The following ADD1 variants were observed in gnomAD, a reference collection of about 807,000 sequenced individuals.
ADD1 encodes the protein adducin 1, also known as alpha-adducin.
ADD1 carries 24 observed loss-of-function variants against 80.5 expected under a neutral mutation model. The ratio of observed to expected loss-of-function variants is 0.30; its 90% CI spans 0.22 to 0.42. ADD1 has a LOEUF of 0.42. Ranked by LOEUF, ADD1 falls within the 10% of genes least tolerant of loss-of-function variation. The probability of loss-of-function intolerance (pLI) is 1.00; values close to 1 mark genes in which losing one functional copy is unlikely to be tolerated. For missense variants in ADD1, 948 were observed against 1,019.0 expected (o/e 0.93, Z 0.95); for synonymous variants, 373 against 393.8 (o/e 0.95, Z 0.63).
chr4:2,898,802 G>C (rs1040424966), intron 8 of ADD1: 3 of 460,942 alleles, frequency 6.5e-6, no homozygotes, highest in Non-Finnish European at 7.9e-6. Context: ...TATAGGCCTG[G>C]CATCAGGTGC....
intron 3 of ADD1, among the ~76,000 whole-genome samples, chr4:2,883,596 CGATCACAGCTCACTACAACCTT>C (rs1377903851): frequency 6.6e-6 from 1 of 151,962 alleles, no homozygotes; most frequent in African/African-American, 2.4e-5. Context: ...TACAGTGGCA[CGATCACAGCTCACTACAACCTT>C]GAACTCCTAG....
intron 14 of ADD1, among the ~76,000 whole-genome samples, chr4:2,923,519 G>A (rs577170485): frequency 2.6e-5 from 4 of 152,356 alleles, no homozygotes; most frequent in Non-Finnish European, 5.9e-5. Flanking sequence ...AGTTGGAAAT[G>A]CAGAAATCAT....
In ADD1 at chr4:2,929,174, GTTTC is replaced by G. The variant is rs1378958237; in HGVS notation, c.*655_*658del. 2.6e-5 allele frequency: 4 copies of G among 152,350 alleles called. No individual in the cohort carries two copies. The highest frequency in any genetic ancestry group is 1.9e-4 in the East Asian group (1 of 5,174). 9.4% of individuals were successfully genotyped at this position (152,350 alleles called of 1,614,324 possible). On this transcript the variant is annotated 3_prime_UTR_variant, in exon 16 of 16. Coordinates refer to ENST00000683351, the MANE Select transcript of ADD1 (RefSeq NM_001354761.2). Reference sequence around the variant, plus strand: ...GACCAGAATCAGATTCAGGAGCTCAGTTTCTTTTTCACTTGGGTCTCTGGATTCC... The same window carrying G: ...GACCAGAATCAGATTCAGGAGCTCAGTTTTTCACTTGGGTCTCTGGATTCC...
chr4:2,914,931 G>GC lies in ADD1; in HGVS notation c.1843dup (p.His615ProfsTer19). 6.2e-7 allele frequency: 1 copy of GC among 1,613,972 alleles called. No homozygotes were observed. Among genetic ancestry groups the GC allele is most frequent in the Non-Finnish European group, 8.5e-7 (1 of 1,179,962 alleles). ...AGGCCATCATTGAAAAGGAGTACCAGCCCCACGTCATTGTGAGCACCACGG... is the reference window on the plus strand; with the variant it reads ...AGGCCATCATTGAAAAGGAGTACCAGCCCCCACGTCATTGTGAGCACCACGG... On this transcript the variant is annotated frameshift_variant, in exon 14 of 16. Transcript: ENST00000683351. LOFTEE classifies it high-confidence loss of function.
intron 14 of ADD1, among the ~76,000 whole-genome samples, chr4:2,918,628 C>G (rs1739470624): frequency 6.6e-6 from 1 of 152,234 alleles, no homozygotes; most frequent in Admixed American, 6.5e-5. Context: ...TTTGCCCATT[C>G]AGTATGATAT....
intron 2 of ADD1, 180 bp from the exon 3 acceptor site, chr4:2,881,718 A>C: frequency 2.2e-6 from 1 of 448,618 alleles, no homozygotes; most frequent in Non-Finnish European, 3.9e-6. Context: ...TATTGTATTA[A>C]ATTACTTTCT....
intron 4 of ADD1, among the ~76,000 whole-genome samples, chr4:2,891,686 C>T (rs1734334095): frequency 6.6e-6 from 1 of 152,142 alleles, no homozygotes; most frequent in Non-Finnish European, 1.5e-5. Flanking sequence ...CTTCCATCCC[C>T]ACTTAGTCAT....
At chr4:2,915,940 G>A (rs58132256) in intron 14 of ADD1, among the ~76,000 whole-genome samples, 2,897 of 152,150 alleles carry the variant, frequency 0.019, 59 homozygotes, top group African/African-American at 0.046. Context: ...AAGACACACC[G>A]GGGCCCCTCT....
chr4:2,895,092 T>C (rs962700128), intron 6 of ADD1, among the ~76,000 whole-genome samples: 10 of 152,014 alleles, frequency 6.6e-5, no homozygotes, highest in African/African-American at 1.2e-4. Flanking sequence ...AGACCCCGTC[T>C]GTACAAAAAA....
At chr4:2,882,232 A>G (rs1158259518) in intron 3 of ADD1, among the ~76,000 whole-genome samples, 172 bp downstream of exon 3, 3 of 152,260 alleles carry the variant, frequency 2.0e-5, no homozygotes, top group Admixed American at 6.5e-5. Flanking sequence ...GAATTCTGAA[A>G]TCATCTTGAA....
At chr4:2,850,927 C>T (rs957002746) in intron 1 of ADD1, among the ~76,000 whole-genome samples, 1 of 152,138 alleles carries the variant, frequency 6.6e-6, no homozygotes, top group Non-Finnish European at 1.5e-5. Context: ...GGGGCTCCAG[C>T]TGGGGAGAAT....
chr4:2,907,957 C>G (rs1442058930), intron 11 of ADD1, 113 bp downstream of exon 11: 1 of 807,216 alleles, frequency 1.2e-6, no homozygotes, highest in African/African-American at 1.7e-5. Flanking sequence ...GCTGTTGTTG[C>G]CACTGTTGCA....
chr4:2,887,579 T>C (rs1320549246), intron 4 of ADD1: 1 of 152,172 alleles, frequency 6.6e-6, no homozygotes, highest in African/African-American at 2.4e-5. Flanking sequence ...TGTCAAGGCT[T>C]TGCACCTGCA....
chr4:2,925,696 C>T (rs540227551), intron 14 of ADD1, among the ~76,000 whole-genome samples: 3 of 152,336 alleles, frequency 2.0e-5, no homozygotes, highest in Admixed American at 1.3e-4. Context: ...GGTCCCTACT[C>T]GCACAGGACA....
At chr4:2,874,349 A>G (rs1181600730) in intron 1 of ADD1, among the ~76,000 whole-genome samples, 3 of 152,166 alleles carry the variant, frequency 2.0e-5, no homozygotes, top group East Asian at 1.9e-4. Context: ...GCTAACGCCT[A>G]TAATCCCAGC....
intron 1 of ADD1, among the ~76,000 whole-genome samples, chr4:2,860,905 T>G (rs2108824083): frequency 6.6e-6 from 1 of 152,316 alleles, no homozygotes; most frequent in Non-Finnish European, 1.5e-5. Flanking sequence ...CTCCAGAGTC[T>G]GTGCCCTGAT....
At position 2,929,673 on chromosome 4, in the gene ADD1, T is replaced by G. The variant is rs1712689108; in HGVS notation, c.*1150T>G. 6.6e-6 allele frequency: 1 copy of G among 152,270 alleles called. No homozygotes were observed. The highest frequency in any genetic ancestry group is 1.5e-5 in the Non-Finnish European group (1 of 68,064). 9.4% of individuals were successfully genotyped at this position (152,270 alleles called of 1,614,324 possible). On this transcript the variant is annotated 3_prime_UTR_variant, in exon 16 of 16. Coordinates refer to ENST00000683351, the MANE Select transcript of ADD1 (RefSeq NM_001354761.2). ...CCCTTGGTAGAGCTGGTGCCAGATG[T>G]GGGCTCAGATCCTGGGCATGATGGG...
intron 9 of ADD1, among the ~76,000 whole-genome samples, chr4:2,903,288 T>G (rs1736498885): frequency 6.6e-6 from 1 of 152,150 alleles, no homozygotes; most frequent in Non-Finnish European, 1.5e-5. Flanking sequence ...GCGAATCTGT[T>G]AGGTTGTTGA....
Position 2,885,893 on chromosome 4 carries a change from A to G in ADD1, c.510+1227A>G, listed in dbSNP as rs570167167. 7.0e-4 allele frequency among the ~76,000 whole-genome samples: 106 copies of G among 152,152 alleles called. 2 individuals are homozygous for G. The South Asian group carries it at 0.018, about 26-fold the overall frequency. On this transcript the variant is annotated intron_variant, in intron 4 of 15. Coordinates refer to ENST00000683351, the MANE Select transcript of ADD1 (RefSeq NM_001354761.2). ...CCAAAGTGCTGGGATTACAGGCGTGAGCCACCCTGCCCGGCCCCTTCCTGC... is the reference window on the plus strand; with the variant it reads ...CCAAAGTGCTGGGATTACAGGCGTGGGCCACCCTGCCCGGCCCCTTCCTGC...
Sources: gnomAD v4.1 joint callset for allele counts (sites outside exome capture counted in the v4.1 genomes callset) on GRCh38, gnomAD v4.1.1 for gene constraint, MANE v1.5 for transcripts, NCBI Gene and HGNC (gene_info 2026-07-23, HGNC 2026-07-21) for gene names.